The following CFAP58 variants were observed in gnomAD, a reference collection of about 807,000 sequenced individuals.
CFAP58 encodes cilia- and flagella-associated protein 58.
Under a neutral mutation model 119.5 loss-of-function variants are expected in CFAP58, and 88 were observed. That is an observed-to-expected ratio of 0.74 (90% CI 0.62 to 0.88). The LOEUF is 0.88. CFAP58 is among the 40% of genes least tolerant of loss of function. The pLI is 0.00. For missense variants in CFAP58, 990 were observed against 1,021.2 expected (o/e 0.97, Z 0.42); for synonymous variants, 365 against 366.3 (o/e 1.00, Z 0.04).
intron 5 of CFAP58, among the ~76,000 whole-genome samples, chr10:104,366,977 CCT>C (rs1304132352): frequency 6.6e-6 from 1 of 152,066 alleles, no homozygotes; most frequent in Non-Finnish European, 1.5e-5. Flanking sequence ...AAGCGATTCT[CCT>C]GCCTCAGTCT....
In CFAP58 at chr10:104,393,370, C is replaced by A; in HGVS notation, c.1569C>A (p.Ile523=). The change falls in exon 11 of 18, where the codon ATC becomes ATA. Residue 523 remains isoleucine, a synonymous_variant. Coordinates refer to ENST00000369704, the MANE Select transcript of CFAP58 (RefSeq NM_001008723.2). ...TDMKRKLKIM[I]HQVDELKEDI... ...TGAAGAGAAAGTTAAAGATTATGAT[C>A]CATCAGGTAGATGAGCTGAAAGAAG... is the stretch of plus-strand genomic sequence containing the variant. The A allele has an allele frequency of 1.2e-6, 2 of 1,613,710 alleles. No individual in the cohort carries two copies. The highest frequency in any genetic ancestry group is 1.1e-5 in the South Asian group (1 of 91,058).
chr10:104,400,602 T>G, intron 12 of CFAP58, 78 bp from the exon 13 acceptor site: 1 of 1,201,288 alleles, frequency 8.3e-7, no homozygotes, highest in South Asian at 1.2e-5. Flanking sequence ...TAGATACTCA[T>G]TGAATGAATG....
At chr10:104,399,761 T>C (rs544086111) in intron 12 of CFAP58, among the ~76,000 whole-genome samples, 2 of 152,118 alleles carry the variant, frequency 1.3e-5, no homozygotes, top group African/African-American at 4.8e-5. Context: ...CTCAAGGAGC[T>C]TGCATTCTAG....
chr10:104,432,864 T>C (rs901601766), intron 15 of CFAP58, among the ~76,000 whole-genome samples: 2 of 152,212 alleles, frequency 1.3e-5, no homozygotes, highest in Admixed American at 6.5e-5. Context: ...GAAGAGAATA[T>C]GGTAGTATGT....
intron 15 of CFAP58, among the ~76,000 whole-genome samples, chr10:104,426,383 C>T (rs2012745548): frequency 6.6e-6 from 1 of 151,482 alleles, no homozygotes; most frequent in Admixed American, 6.6e-5. Context: ...AATTCGCTGC[C>T]TTGGGGACCA....
At chr10:104,409,340 C>T (rs1258181584) in intron 15 of CFAP58, among the ~76,000 whole-genome samples, 2 of 152,038 alleles carry the variant, frequency 1.3e-5, no homozygotes, top group Non-Finnish European at 2.9e-5. Flanking sequence ...ACTGATTGGT[C>T]ACTTTTCTGC....
chr10:104,398,700 T>C (rs2012206485), intron 11 of CFAP58, among the ~76,000 whole-genome samples: 1 of 152,214 alleles, frequency 6.6e-6, no homozygotes, highest in Non-Finnish European at 1.5e-5. Flanking sequence ...ATTCACTGTC[T>C]GTGTGATAAT....
At chr10:104,375,280 A>G (rs1178576321) in intron 7 of CFAP58, among the ~76,000 whole-genome samples, 3 of 151,368 alleles carry the variant, frequency 2.0e-5, no homozygotes, top group Non-Finnish European at 4.4e-5. Flanking sequence ...ATACACGTAT[A>G]TTTACATAAG....
intron 15 of CFAP58, among the ~76,000 whole-genome samples, chr10:104,436,115 A>T (rs890878578): frequency 2.6e-5 from 4 of 152,104 alleles, no homozygotes; most frequent in African/African-American, 9.7e-5. Flanking sequence ...CCTCTCTATG[A>T]TCTTAAGCCA....
intron 13 of CFAP58, among the ~76,000 whole-genome samples, chr10:104,402,882 G>C (rs2133045665): frequency 6.6e-6 from 1 of 152,298 alleles, no homozygotes; most frequent in African/African-American, 2.4e-5. Context: ...CTCCCCAGGG[G>C]ATTTCAATGT....
intron 11 of CFAP58, 67 bp from the exon 12 acceptor site, chr10:104,399,293 G>C: frequency 6.4e-7 from 1 of 1,550,954 alleles, no homozygotes; most frequent in Non-Finnish European, 8.8e-7. Context: ...ATCTGAATCC[G>C]GGCCCTGTCG....
chr10:104,427,433 T>G (rs1056170322), intron 15 of CFAP58, among the ~76,000 whole-genome samples: 1 of 152,216 alleles, frequency 6.6e-6, no homozygotes, highest in African/African-American at 2.4e-5. Flanking sequence ...TTTTTCTAGT[T>G]GACAAAGCAA....
At position 104,371,148 on chromosome 10, in the gene CFAP58, T is replaced by C; in HGVS notation, c.1090+94T>C. The C allele has an allele frequency of 2.5e-6, 3 of 1,212,784 alleles. No individual in the cohort carries two copies. In the South Asian group the frequency reaches 4.8e-5, roughly 19 times the overall value. 75.1% of individuals were successfully genotyped at this position (1,212,784 alleles called of 1,614,324 possible). A position where few individuals can be genotyped will look rare whatever the true frequency, so the allele number is the denominator to read the frequency against. On this transcript the variant is annotated intron_variant, in intron 7 of 17. Coordinates refer to ENST00000369704, the MANE Select transcript of CFAP58 (RefSeq NM_001008723.2). ...GGGCTCCATGTTTCCAAACACAACC[T>C]ATGCCAAATGAAATCAGTAAAACAA...
chr10:104,375,527 T>C (rs1335215189), intron 7 of CFAP58, among the ~76,000 whole-genome samples: 1 of 152,166 alleles, frequency 6.6e-6, no homozygotes, highest in African/African-American at 2.4e-5. Flanking sequence ...GAGACCAGCC[T>C]GGCCAACATG....
chr10:104,344,375 C>G, the CFAP58 span, among the ~76,000 whole-genome samples: 1 of 152,236 alleles, frequency 6.6e-6, no homozygotes, highest in South Asian at 2.1e-4. Context: ...AGTTGGCAAA[C>G]TATGGCTGTC....
chr10:104,384,595 T>C (rs1050967483), intron 9 of CFAP58, among the ~76,000 whole-genome samples: 3 of 152,214 alleles, frequency 2.0e-5, no homozygotes, highest in Non-Finnish European at 4.4e-5. Context: ...CTCTTTGAAA[T>C]AGCCTTTTTG....
the CFAP58 span, among the ~76,000 whole-genome samples, chr10:104,346,611 A>G: frequency 6.9e-6 from 1 of 144,158 alleles, no homozygotes; most frequent in Non-Finnish European, 1.5e-5. Flanking sequence ...TAGTGGGAAT[A>G]GGTTGTATGG....
chr10:104,368,300 TA>T (rs915824584), intron 5 of CFAP58, 122 bp from the exon 6 acceptor site: 11 of 834,020 alleles, frequency 1.3e-5, no homozygotes, highest in Non-Finnish European at 2.0e-5. Flanking sequence ...GAACAATTTC[TA>T]CAAAGACAAA....
the CFAP58 span, among the ~76,000 whole-genome samples, chr10:104,343,832 T>G: frequency 2.0e-5 from 3 of 152,196 alleles, no homozygotes; most frequent in African/African-American, 7.2e-5. Flanking sequence ...AGCCTCAACC[T>G]CCCAGGGTCA....
Sources: allele counts gnomAD v4.1 joint callset (sites outside exome capture counted in the v4.1 genomes callset), GRCh38; gene constraint gnomAD v4.1.1; transcripts MANE v1.5; gene names NCBI Gene and HGNC (gene_info 2026-07-23, HGNC 2026-07-21).